Variants in SLC35F4 observed in about 807,000 individuals in gnomAD.
The protein encoded by SLC35F4 is chromosome 14 open reading frame 36.
A neutral mutation model predicts 44.2 loss-of-function variants in SLC35F4; 24 were observed. The ratio of observed to expected loss-of-function variants is 0.54; its 90% CI spans 0.39 to 0.76. The LOEUF is 0.76. Among genes scored for constraint, SLC35F4 ranks in the 30% least tolerant of loss-of-function variants. The probability of loss-of-function intolerance (pLI) is 0.00; values close to 1 mark genes in which losing one functional copy is unlikely to be tolerated. For synonymous variants in SLC35F4, 238 were observed against 223.6 expected (o/e 1.06, Z -0.57); for missense variants, 562 against 586.1 (o/e 0.96, Z 0.42).
intron 1 of SLC35F4, among the ~76,000 whole-genome samples, chr14:57,959,311 A>G (rs1890299985): frequency 2.0e-5 from 3 of 152,216 alleles, no homozygotes; most frequent in Admixed American, 2.0e-4. Flanking sequence ...CCTTTTTAAA[A>G]TATTTTTAAA....
intron 1 of SLC35F4, among the ~76,000 whole-genome samples, chr14:57,842,519 G>A (rs1885585218): frequency 6.6e-6 from 1 of 151,954 alleles, no homozygotes; most frequent in Non-Finnish European, 1.5e-5. Flanking sequence ...GAGGGAGAGA[G>A]GAGAATGCTG....
chr14:57,775,347 T>C (rs1032188003), intron 1 of SLC35F4, among the ~76,000 whole-genome samples: 1 of 152,192 alleles, frequency 6.6e-6, no homozygotes, highest in Non-Finnish European at 1.5e-5. Flanking sequence ...CAAGGACAAA[T>C]CCTACTGCTA....
chr14:57,904,755 G>T (rs548997578), intron 1 of SLC35F4, among the ~76,000 whole-genome samples: 1 of 152,258 alleles, frequency 6.6e-6, no homozygotes, highest in East Asian at 1.9e-4. Flanking sequence ...CAGAGTTAAA[G>T]CACTTATTCC....
intron 5 of SLC35F4, among the ~76,000 whole-genome samples, chr14:57,571,348 G>T (rs538568041): frequency 3.9e-5 from 6 of 152,190 alleles, no homozygotes; most frequent in Non-Finnish European, 8.8e-5. Flanking sequence ...ATCCATCAGA[G>T]AGAAAAAGAG....
At chr14:57,865,646 C>T in intron 1 of SLC35F4, 77 bp downstream of exon 1, 5 of 1,258,844 alleles carry the variant, frequency 4.0e-6, no homozygotes, top group African/African-American at 1.6e-5. Context: ...CGCGCCCGCC[C>T]GTCCGCATCC....
Position 57,632,510 on chromosome 14 carries a change from G to A in SLC35F4, c.104-38386C>T, listed in dbSNP as rs1244407220. Reference sequence around the variant, plus strand: ...GACTGTATTTCTTAGAGCAGTTTTAGGTTCATAGCAAAATTAAGAAGGTTC... The same window carrying A: ...GACTGTATTTCTTAGAGCAGTTTTAAGTTCATAGCAAAATTAAGAAGGTTC... On this transcript the variant is annotated intron_variant, in intron 1 of 7. Transcript: ENST00000556826. 3.9e-5 allele frequency among the ~76,000 whole-genome samples: 6 copies of A among 151,968 alleles called. No individual in the cohort carries two copies. The South Asian group carries it at 8.3e-4, about 21-fold the overall frequency.
intron 1 of SLC35F4, among the ~76,000 whole-genome samples, chr14:57,929,191 C>T (rs1889642987): frequency 6.6e-6 from 1 of 152,180 alleles, no homozygotes; most frequent in Non-Finnish European, 1.5e-5. Flanking sequence ...CTATATTCTC[C>T]TCAATGGCTG....
At chr14:57,660,906 TC>T (rs150277689) in intron 1 of SLC35F4, among the ~76,000 whole-genome samples, 3,953 of 152,222 alleles carry the variant, frequency 0.026, 163 homozygotes, top group African/African-American at 0.089. Flanking sequence ...AACCGTAAAA[TC>T]GTAAATATTT....
intron 1 of SLC35F4, among the ~76,000 whole-genome samples, chr14:57,808,792 C>T (rs1038714230): frequency 6.6e-6 from 1 of 152,048 alleles, no homozygotes; most frequent in Admixed American, 6.6e-5. Context: ...GGTGACAGAG[C>T]GAGACTCCGT....
intron 1 of SLC35F4, among the ~76,000 whole-genome samples, chr14:57,880,248 A>G (rs1453132350): frequency 6.6e-6 from 1 of 152,200 alleles, no homozygotes; most frequent in African/African-American, 2.4e-5. Flanking sequence ...AGCAATTTGC[A>G]TTTGTTTGCA....
intron 1 of SLC35F4, among the ~76,000 whole-genome samples, chr14:57,625,646 GCACATCTA>G (rs1347261956): frequency 4.0e-5 from 6 of 151,852 alleles, no homozygotes; most frequent in Admixed American, 6.6e-5. Flanking sequence ...AAATAACACC[GCACATCTA>G]CAACCATCTG....
chr14:57,827,735 AT>A (rs913860883), intron 1 of SLC35F4, among the ~76,000 whole-genome samples: 1 of 150,970 alleles, frequency 6.6e-6, no homozygotes, highest in African/African-American at 2.4e-5. Flanking sequence ...TACTTTGGTG[AT>A]TTTTTTGTTA....
rs2068772026 is a variant in SLC35F4, at chr14:57,576,047, T to C, written c.808-4028A>G. 2.0e-5 allele frequency among the ~76,000 whole-genome samples: 3 copies of C among 152,108 alleles called. No individual in the cohort carries two copies. The South Asian group carries it at 6.2e-4, about 32-fold the overall frequency. On this transcript the variant is annotated intron_variant, in intron 4 of 7. Coordinates refer to ENST00000556826, the MANE Select transcript of SLC35F4 (RefSeq NM_001306087.2). ...CGGGCCATCAAAAGCCCACAAAGGT[T>C]TGGTCCTTCTGTGCATCTCCATGAG...
At chr14:57,762,458 T>C (rs773147851) in intron 1 of SLC35F4, among the ~76,000 whole-genome samples, 1 of 152,180 alleles carries the variant, frequency 6.6e-6, no homozygotes, top group Non-Finnish European at 1.5e-5. Flanking sequence ...CTACTTGCTA[T>C]TGATTAGGAT....
At chr14:57,614,483 G>A (rs1403489539) in intron 1 of SLC35F4, among the ~76,000 whole-genome samples, 4 of 152,200 alleles carry the variant, frequency 2.6e-5, no homozygotes, top group Admixed American at 1.3e-4. Context: ...TCTTTAAGCT[G>A]ATACATGGTG....
intron 1 of SLC35F4, among the ~76,000 whole-genome samples, chr14:57,955,734 G>A (rs998899707): frequency 2.0e-5 from 3 of 152,032 alleles, no homozygotes; most frequent in East Asian, 1.9e-4. Flanking sequence ...AACTTACAAC[G>A]GATGTGAAGG....
At position 57,906,561 on chromosome 14, in the gene SLC35F4, G is replaced by A. The variant is rs1595280951; in HGVS notation, n.282+75352C>T. On this transcript the variant is annotated intron_variant and non_coding_transcript_variant, in intron 1 of 1. Transcript: ENST00000556568. The stretch of plus-strand genomic sequence containing the variant: ...TTTGTACAAATATCCTTACATATTT[G>A]TGGGAGAATTTCTACGGAAAAATTC... 4.6e-5 allele frequency among the ~76,000 whole-genome samples: 7 copies of A among 152,274 alleles called. No individual in the cohort carries two copies. The South Asian group carries it at 1.2e-3, about 27-fold the overall frequency.
At chr14:57,677,374 A>G (rs1179154051) in intron 1 of SLC35F4, among the ~76,000 whole-genome samples, 2 of 151,870 alleles carry the variant, frequency 1.3e-5, no homozygotes, top group East Asian at 3.9e-4. Context: ...TATCCATGTA[A>G]CCAAAAACCT....
In SLC35F4 at chr14:57,594,874, C is replaced by T. The variant is rs189162693; in HGVS notation, c.104-750G>A. ...CACCAGCCAACACCCCAAGAATCTC[C>T]AACCCCGGGTCAGCCTCATGGGTCT... On this transcript the variant is annotated intron_variant, in intron 1 of 7. Coordinates refer to ENST00000556826, the MANE Select transcript of SLC35F4 (RefSeq NM_001306087.2). 3.4e-3 allele frequency among the ~76,000 whole-genome samples: 520 copies of T among 152,312 alleles called. 2 individuals carry two copies. Among genetic ancestry groups the T allele is most frequent in the Middle Eastern group, 0.024 (7 of 294 alleles).
Sources: allele counts gnomAD v4.1 joint callset (sites outside exome capture counted in the v4.1 genomes callset), GRCh38; gene constraint gnomAD v4.1.1; transcripts MANE v1.5; gene names NCBI Gene and HGNC (gene_info 2026-07-23, HGNC 2026-07-21).